The following SEPTIN5 variants were observed in gnomAD, a reference collection of about 807,000 sequenced individuals.
SEPTIN5 encodes the protein septin-5.
SEPTIN5 carries 16 observed loss-of-function variants against 51.2 expected under a neutral mutation model. The observed-to-expected ratio is 0.31, with a 90% CI of 0.21 to 0.47. The LOEUF (loss-of-function observed/expected upper bound fraction) is 0.47. Ranked by LOEUF, SEPTIN5 falls within the 20% of genes least tolerant of loss-of-function variation. The pLI, the probability that SEPTIN5 is intolerant of heterozygous loss-of-function variation, is 0.99. For missense variants in SEPTIN5, 376 were observed against 500.3 expected (o/e 0.75, Z 2.37); for synonymous variants, 208 against 191.2 (o/e 1.09, Z -0.72).
rs140052390 is a variant in SEPTIN5, at chr22:19,721,919, C to T, written c.912C>T (p.Tyr304=). 1.6e-5 allele frequency: 25 copies of T among 1,611,934 alleles called. No individual in the cohort carries two copies. The African/African-American group carries it at 2.7e-4, about 17-fold the overall frequency. ...DLKDVTCDVH[Y]ENYRAHCIQQ... is the part of the protein sequence containing the mutation. ...AGGACGTGACGTGCGACGTGCACTACGAGAACTACCGCGCGCACTGCATCC... is the reference window on the plus strand; with the variant it reads ...AGGACGTGACGTGCGACGTGCACTATGAGAACTACCGCGCGCACTGCATCC... Residue 304 remains tyrosine, a synonymous_variant, in exon 10 of 12, where the codon TAC becomes TAT. Transcript: ENST00000455784.
chr22:19,722,211 CCCATCCT>C lies in SEPTIN5; in HGVS notation c.951-23_951-17del. ...TGAGCCTCCCGGTGGCGCCGCCCCG[CCCATCCT>C]CCCCCCCGCCCCGCGCAGCAAACTG... On this transcript the variant is annotated intron_variant, in intron 10 of 11. Transcript: ENST00000455784. The C allele has an allele frequency of 6.9e-7, 1 of 1,453,212 alleles. No individual in the cohort carries two copies. The highest frequency in any genetic ancestry group is 9.4e-7 in the Non-Finnish European group (1 of 1,065,536). The allele number at this position is 1,453,212 out of a possible 1,614,324, so 90.0% of individuals were successfully genotyped here. A position where few individuals can be genotyped will look rare whatever the true frequency, so the allele number is the denominator to read the frequency against.
chr22:19,722,370 G>A (rs1936062287), intron 11 of SEPTIN5, 31 bp downstream of exon 11: 2 of 1,596,554 alleles, frequency 1.3e-6, no homozygotes, highest in East Asian at 4.5e-5. Context: ...GGCGGAGGCG[G>A]GCGTCAGGGA....
Position 19,721,946 on chromosome 22 carries a change from G to C in SEPTIN5, c.939G>C (p.Gln313His). The C allele has an allele frequency of 6.2e-7, 1 of 1,608,588 alleles. No individual in the cohort carries two copies. The change falls in exon 10 of 12, where the codon CAG becomes CAC. Residue 313 changes from glutamine to histidine, a missense_variant. This residue lies in a region of SEPTIN5 where 89 missense variants were observed against 83.3 expected (regional missense o/e 1.07). Coordinates refer to ENST00000455784, the MANE Select transcript of SEPTIN5 (RefSeq NM_002688.6). ...AGAACTACCGCGCGCACTGCATCCAGCAGATGACCAGGTGCGCGCCCCAGC... is the reference window on the plus strand; with the variant it reads ...AGAACTACCGCGCGCACTGCATCCACCAGATGACCAGGTGCGCGCCCCAGC... The part of the protein sequence containing the change: ...HYENYRAHCI[Q>H]QMTSKLTQDS...
At position 19,714,745 on chromosome 22, in the gene SEPTIN5, C is replaced by T. The variant is rs1935889660; in HGVS notation, c.44-36C>T. 3.8e-6 allele frequency: 6 copies of T among 1,585,418 alleles called. No individual in the cohort carries two copies. The highest frequency in any genetic ancestry group is 5.1e-6 in the Non-Finnish European group (6 of 1,172,892). On this transcript the variant is annotated intron_variant, in intron 1 of 11. Coordinates refer to ENST00000455784, the MANE Select transcript of SEPTIN5 (RefSeq NM_002688.6). The surrounding 1 kb of genome is among the most constrained non-coding windows in gnomAD (Gnocchi z 5.2). ...CCCGCCGGCCCGGACCCGCTCGGAA[C>T]CGGACCCGGACTCGACCCCGACCCC...
rs745389230 is a variant in SEPTIN5 at position 19,721,627 on chromosome 22, C to T, written c.718-13C>T. On this transcript the variant is annotated splice_polypyrimidine_tract_variant and intron_variant, in intron 8 of 11. Coordinates refer to ENST00000455784, the MANE Select transcript of SEPTIN5 (RefSeq NM_002688.6). ...GCTCACCGGGTGTGAGCCTTTCTCC[C>T]TCCTTCCCCCAGGAGAGCGCGCCCT... The T allele has an allele frequency of 2.5e-6, 4 of 1,612,524 alleles. No individual in the cohort carries two copies. Among genetic ancestry groups the T allele is most frequent in the Admixed American group, 3.3e-5 (2 of 59,988 alleles).
chr22:19,720,505 GC>G (rs1178534877), intron 6 of SEPTIN5, 43 bp from the exon 7 acceptor site: 3 of 1,613,266 alleles, frequency 1.9e-6, no homozygotes, highest in African/African-American at 1.3e-5. Context: ...CTACAATATG[GC>G]CCCCTGGCTG....
Position 19,719,787 on chromosome 22 carries a change from T to C in SEPTIN5, c.152-19T>C, listed in dbSNP as rs764652431. 3 of 1,612,748 alleles carry C rather than the reference T, an allele frequency of 1.9e-6. No homozygotes were observed. The highest frequency in any genetic ancestry group is 2.2e-5 in the South Asian group (2 of 91,088). On this transcript the variant is annotated intron_variant, in intron 3 of 11. Transcript: ENST00000455784. ...GAGCCCCAGACCTAACGCAGCTCCTTCTCTGTACCTGTGTGCAGGTGAGTC... is the reference window on the plus strand; with the variant it reads ...GAGCCCCAGACCTAACGCAGCTCCTCCTCTGTACCTGTGTGCAGGTGAGTC...
At chr22:19,718,716 C>A in intron 2 of SEPTIN5, 1 of 1,253,014 alleles carries the variant, frequency 8.0e-7, no homozygotes, top group Non-Finnish European at 1.0e-6. Flanking sequence ...AGCGTGCCCC[C>A]GGGCCTGGGG....
At chr22:19,717,880 CACATT>C (rs1313110534) in intron 2 of SEPTIN5, 7 of 169,994 alleles carry the variant, frequency 4.1e-5, no homozygotes, top group African/African-American at 1.2e-4. Context: ...TACACACACA[CACATT>C]ACACACACAC....
At chr22:19,722,175 C>A in intron 10 of SEPTIN5, 62 bp from the exon 11 acceptor site, 3 of 1,321,340 alleles carry the variant, frequency 2.3e-6, no homozygotes, top group African/African-American at 2.9e-5. Context: ...CCAGGCATCG[C>A]CAGCCCACGC....
At chr22:19,719,521 C>A in intron 2 of SEPTIN5, 81 bp from the exon 3 acceptor site, 3 of 1,159,730 alleles carry the variant, frequency 2.6e-6, no homozygotes, top group Non-Finnish European at 3.7e-6. Context: ...GCTGTCTCCT[C>A]ATACCGCATT....
chr22:19,722,029 C>T, intron 10 of SEPTIN5, 72 bp downstream of exon 10: 1 of 1,537,264 alleles, frequency 6.5e-7, no homozygotes, highest in African/African-American at 1.4e-5. Context: ...GAGGGCCGGT[C>T]CTGTCAGCCC....
chr22:19,714,916 C>T lies in SEPTIN5; in HGVS notation c.54+125C>T. On this transcript the variant is annotated intron_variant, in intron 2 of 11. Transcript: ENST00000455784. This position sits in a 1 kb window ranked among gnomAD's most constrained non-coding sequence, Gnocchi z 5.2. ...GGCCCTCACCCAGCCCTGTCGCGATCACCGATTGTCAGCCGGGCAGTGCCG... is the reference window on the plus strand; with the variant it reads ...GGCCCTCACCCAGCCCTGTCGCGATTACCGATTGTCAGCCGGGCAGTGCCG... The T allele has an allele frequency of 7.9e-7, 1 of 1,259,342 alleles. No homozygotes were observed. Among genetic ancestry groups the T allele is most frequent in the Non-Finnish European group, 1.1e-6 (1 of 932,816 alleles). 78.0% of individuals were successfully genotyped at this position (1,259,342 alleles called of 1,614,324 possible).
At chr22:19,721,204 C>G (rs1601243818) in intron 8 of SEPTIN5, among the ~76,000 whole-genome samples, 1 of 152,232 alleles carries the variant, frequency 6.6e-6, no homozygotes, top group East Asian at 1.9e-4. Context: ...AGGGGCTGCC[C>G]CAGTGGCACA....
chr22:19,721,818 G>T lies in SEPTIN5; in HGVS notation c.815-4G>T, dbSNP rs535223160. On this transcript the variant is annotated splice_polypyrimidine_tract_variant and splice_region_variant and intron_variant, in intron 9 of 11. Coordinates refer to ENST00000455784, the MANE Select transcript of SEPTIN5 (RefSeq NM_002688.6). ...CCAGCCCACTACCCACCCCCACCCC[G>T]CAGTGGAGAACCAGGCGCATTGCGA... 69 of 619,070 alleles carry T rather than the reference G, an allele frequency of 1.1e-4. No individual in the cohort carries two copies. The East Asian group carries it at 3.4e-3, about 31-fold the overall frequency. 38.3% of individuals were successfully genotyped at this position (619,070 alleles called of 1,614,324 possible).
Position 19,714,970 on chromosome 22 carries a change from TG to T in SEPTIN5, c.54+184del, listed in dbSNP as rs1189246407. On this transcript the variant is annotated intron_variant, in intron 2 of 11. Coordinates refer to ENST00000455784, the MANE Select transcript of SEPTIN5 (RefSeq NM_002688.6). The surrounding 1 kb of genome is among the most constrained non-coding windows in gnomAD (Gnocchi z 5.2). Reference sequence around the variant, plus strand: ...CGCCTGGGGCTTCAGAGGAGAGGAGTGGGGGCCCTGGTCCCCGGACCCGCAC... The same window carrying T: ...CGCCTGGGGCTTCAGAGGAGAGGAGTGGGGCCCTGGTCCCCGGACCCGCAC... Among the ~76,000 whole-genome samples, 5 of 151,652 alleles carry T rather than the reference TG, an allele frequency of 3.3e-5. No homozygotes were observed. Among genetic ancestry groups the T allele is most frequent in the Admixed American group, 6.5e-5 (1 of 15,272 alleles).
chr22:19,721,958 G>A lies in SEPTIN5; in HGVS notation c.950+1G>A. The A allele has an allele frequency of 6.2e-7, 1 of 1,604,870 alleles. No homozygotes were observed. Among genetic ancestry groups the A allele is most frequent in the Non-Finnish European group, 8.5e-7 (1 of 1,176,002 alleles). ...CGCACTGCATCCAGCAGATGACCAGGTGCGCGCCCCAGCCGCGAGCCAGAC... is the reference window on the plus strand; with the variant it reads ...CGCACTGCATCCAGCAGATGACCAGATGCGCGCCCCAGCCGCGAGCCAGAC... On this transcript the variant is annotated splice_donor_variant, in intron 10 of 11. Coordinates refer to ENST00000455784, the MANE Select transcript of SEPTIN5 (RefSeq NM_002688.6). LOFTEE classifies it high-confidence loss of function.
chr22:19,722,211 C>CCCCA, intron 10 of SEPTIN5, 26 bp from the exon 11 acceptor site: 1 of 1,453,202 alleles, frequency 6.9e-7, no homozygotes, highest in Non-Finnish European at 9.4e-7. Flanking sequence ...CGCCGCCCCG[C>CCCCA]CCATCCTCCC....
In SEPTIN5 at chr22:19,714,757, TCGACCC is replaced by T. The variant is rs767868361; in HGVS notation, c.44-9_44-4del. ...GACCCGCTCGGAACCGGACCCGGAC[TCGACCC>T]CGACCCCGACCCCGCAGAGGACAAG... On this transcript the variant is annotated intron_variant, in intron 1 of 11. Transcript: ENST00000455784. The surrounding 1 kb of genome is among the most constrained non-coding windows in gnomAD (Gnocchi z 5.2). The T allele has an allele frequency of 1.6e-5, 25 of 1,565,806 alleles. No homozygotes were observed. Among genetic ancestry groups the T allele is most frequent in the South Asian group, 3.4e-5 (3 of 88,874 alleles).
Sources: gnomAD v4.1 joint callset for allele counts (sites outside exome capture counted in the v4.1 genomes callset) on GRCh38, gnomAD v4.1.1 for gene constraint, gnomAD v4.1.1 regional missense constraint, Gnocchi (gnomAD v3.1) non-coding constraint, MANE v1.5 for transcripts, NCBI Gene and HGNC (gene_info 2026-07-23, HGNC 2026-07-21) for gene names.